The following OR1F1 variants were observed in gnomAD, a reference collection of about 807,000 sequenced individuals.
OR1F1 encodes the protein olfactory receptor 1F1.
For synonymous variants in OR1F1, 184 were observed against 156.7 expected (o/e 1.17, Z -1.30); for missense variants, 493 against 376.3 (o/e 1.31, Z -2.57).
exon 1 of OR1F1, chr16:3,204,917 C>G (rs1454173861): frequency 6.2e-7 from 1 of 1,614,196 alleles, no homozygotes; most frequent in Non-Finnish European, 8.5e-7. Flanking sequence ...ATCACCTGCA[C>G]TGTCCTGAAG....
chr16:3,193,988 G>A, the OR1F1 span, among the ~76,000 whole-genome samples: 2 of 152,148 alleles, frequency 1.3e-5, no homozygotes, highest in Non-Finnish European at 2.9e-5. Context: ...TCCACCTGGG[G>A]TAAGACAACA....
chr16:3,190,193 C>T, the OR1F1 span, among the ~76,000 whole-genome samples: 1 of 152,132 alleles, frequency 6.6e-6, no homozygotes, highest in Admixed American at 6.5e-5. Flanking sequence ...AGAGACCTCT[C>T]CCTCCCCACA....
chr16:3,191,438 A>G, the OR1F1 span: 1 of 152,110 alleles, frequency 6.6e-6, no homozygotes, highest in Non-Finnish European at 1.5e-5. Context: ...TCATTACGTC[A>G]CTTAGTTTCT....
chr16:3,193,331 G>T, the OR1F1 span, among the ~76,000 whole-genome samples: 1 of 152,176 alleles, frequency 6.6e-6, no homozygotes, highest in Non-Finnish European at 1.5e-5. Flanking sequence ...CTTCACCGAC[G>T]CACCCAGCCC....
At chr16:3,192,048 C>T in the OR1F1 span, among the ~76,000 whole-genome samples, 28 of 152,062 alleles carry the variant, frequency 1.8e-4, no homozygotes, top group African/African-American at 5.8e-4. Flanking sequence ...GGGTTCAAAT[C>T]CCGGACGAGC....
chr16:3,192,453 T>C, the OR1F1 span, among the ~76,000 whole-genome samples: 1 of 152,192 alleles, frequency 6.6e-6, no homozygotes. Context: ...AAATATAAAG[T>C]TACTGGGGGA....
the OR1F1 span, among the ~76,000 whole-genome samples, chr16:3,193,557 C>A: frequency 2.6e-5 from 4 of 152,284 alleles, no homozygotes; most frequent in Admixed American, 1.3e-4. Flanking sequence ...TATGGCGTCC[C>A]CGGCGACCCG....
the OR1F1 span, among the ~76,000 whole-genome samples, chr16:3,194,275 GGTTT>G: frequency 4.6e-5 from 7 of 152,092 alleles, no homozygotes; most frequent in African/African-American, 1.4e-4. Context: ...TTTCTGTTTT[GGTTT>G]GTTTGTTTGG....
the OR1F1 span, among the ~76,000 whole-genome samples, chr16:3,192,804 AGGCT>A: frequency 6.6e-6 from 1 of 151,778 alleles, no homozygotes; most frequent in Non-Finnish European, 1.5e-5. Flanking sequence ...GCGGCCCGGG[AGGCT>A]GCTAAGAGGG....
upstream of OR1F1, among the ~76,000 whole-genome samples, chr16:3,203,953 T>C (rs914659490): frequency 5.3e-5 from 8 of 152,122 alleles, no homozygotes; most frequent in African/African-American, 1.9e-4. Flanking sequence ...CATCCTGAAC[T>C]GTGGGGAACA....
exon 1 of OR1F1, chr16:3,205,159 G>T: frequency 6.2e-7 from 1 of 1,610,864 alleles, no homozygotes; most frequent in South Asian, 1.1e-5. Context: ...GAAAAAAGTA[G>T]TTGGCAGGGT....
At chr16:3,192,031 A>AT in the OR1F1 span, among the ~76,000 whole-genome samples, 1 of 152,032 alleles carries the variant, frequency 6.6e-6, no homozygotes, top group East Asian at 1.9e-4. Context: ...AGGATGCGAG[A>AT]GGTCCCGGGT....
At chr16:3,203,484 G>T (rs957910667), upstream of OR1F1, among the ~76,000 whole-genome samples, 1 of 152,258 alleles carries the variant, frequency 6.6e-6, no homozygotes, top group Non-Finnish European at 1.5e-5. Context: ...TCAGATCATT[G>T]GCCAGGTGTG....
chr16:3,198,406 T>C, the OR1F1 span, among the ~76,000 whole-genome samples: 1 of 152,046 alleles, frequency 6.6e-6, no homozygotes, highest in Admixed American at 6.6e-5. Context: ...CCCCTGTTGG[T>C]GGTGGGGATG....
At chr16:3,196,275 T>C in the OR1F1 span, among the ~76,000 whole-genome samples, 1 of 152,238 alleles carries the variant, frequency 6.6e-6, no homozygotes, top group Non-Finnish European at 1.5e-5. Context: ...GGTTGAGACA[T>C]GGAGTACTCT....
At chr16:3,190,260 G>A in the OR1F1 span, among the ~76,000 whole-genome samples, 8 of 152,296 alleles carry the variant, frequency 5.3e-5, no homozygotes, top group South Asian at 1.7e-3. Context: ...CCCCTGTCCT[G>A]GTTTTGGAAG....
Position 3,204,762 on chromosome 16 carries a change from TGCCA to T in OR1F1, c.517_520del (p.Ala173SerfsTer8). ...CTCCACTCTCATTCTGTGCAGACAATGCCATCACTCACTTCTTCTGCGATGTGAC... is the reference window on the plus strand; with the variant it reads ...CTCCACTCTCATTCTGTGCAGACAATTCACTCACTTCTTCTGCGATGTGAC... On this transcript the variant is annotated frameshift_variant, in exon 1 of 1. Transcript: ENST00000304646. LOFTEE classifies it low-confidence loss of function (END_TRUNC). The T allele has an allele frequency of 6.2e-7, 1 of 1,614,168 alleles. No individual in the cohort carries two copies. The highest frequency in any genetic ancestry group is 8.5e-7 in the Non-Finnish European group (1 of 1,180,030).
chr16:3,191,565 C>G, the OR1F1 span, among the ~76,000 whole-genome samples: 2 of 152,040 alleles, frequency 1.3e-5, no homozygotes, highest in East Asian at 1.9e-4. Flanking sequence ...TCGAGCCCCA[C>G]GTTGGGCGAC....
At chr16:3,189,707 G>C in the OR1F1 span, 1 of 151,810 alleles carries the variant, frequency 6.6e-6, no homozygotes, top group Non-Finnish European at 1.5e-5. Context: ...GACGAGCCCG[G>C]CTTTTGGTGC....
Sources: allele counts gnomAD v4.1 joint callset (sites outside exome capture counted in the v4.1 genomes callset), GRCh38; gene constraint gnomAD v4.1.1; transcripts MANE v1.5; gene names NCBI Gene and HGNC (gene_info 2026-07-23, HGNC 2026-07-21).